The following SKIC3 variants were observed in gnomAD, a reference collection of about 807,000 sequenced individuals.
SKIC3 encodes the protein SKI3 subunit of superkiller complex, also known as superkiller complex protein 3.
the SKIC3 span, among the ~76,000 whole-genome samples, chr5:95,492,397 G>A: frequency 1.3e-5 from 2 of 151,790 alleles, no homozygotes; most frequent in Admixed American, 1.3e-4. Flanking sequence ...AGCACTTTGG[G>A]AGGCCGAGGC....
At chr5:95,547,273 A>C in the SKIC3 span, 1 of 787,150 alleles carries the variant, frequency 1.3e-6, no homozygotes, top group Admixed American at 2.0e-5. Flanking sequence ...TCTCTGGAAC[A>C]GTCTTCCCTC....
At chr5:95,554,433 C>T in the SKIC3 span, among the ~76,000 whole-genome samples, 2 of 152,168 alleles carry the variant, frequency 1.3e-5, no homozygotes, top group Non-Finnish European at 2.9e-5. Context: ...TTTTATTCTG[C>T]AGCAAAACAA....
At chr5:95,506,269 G>A in the SKIC3 span, among the ~76,000 whole-genome samples, 1 of 152,114 alleles carries the variant, frequency 6.6e-6, no homozygotes, top group African/African-American at 2.4e-5. Flanking sequence ...CTGCCAGGTA[G>A]CTCCTTAAAA....
chr5:95,494,984 G>T, the SKIC3 span: 3 of 1,613,504 alleles, frequency 1.9e-6, no homozygotes, highest in Non-Finnish European at 2.5e-6. Flanking sequence ...TTTGAGTCCA[G>T]AATATGAGCC....
the SKIC3 span, among the ~76,000 whole-genome samples, chr5:95,521,630 ATAACT>A: frequency 9.2e-3 from 1,399 of 152,230 alleles, 21 homozygotes; most frequent in African/African-American, 0.032. Context: ...ATTACCAAAA[ATAACT>A]TAGATAACTA....
chr5:95,510,680 G>A, the SKIC3 span, among the ~76,000 whole-genome samples: 96 of 152,230 alleles, frequency 6.3e-4, no homozygotes, highest in Non-Finnish European at 1.2e-3. Context: ...CTCACTGCCT[G>A]CCCACCACCA....
the SKIC3 span, chr5:95,504,080 GGGGGGT>G: frequency 5.3e-6 from 2 of 374,938 alleles, no homozygotes; most frequent in Non-Finnish European, 1.0e-5. Flanking sequence ...AGGCCCAGGC[GGGGGGT>G]GGGGGTGGGG....
chr5:95,475,477 C>T, the SKIC3 span, among the ~76,000 whole-genome samples: 3 of 152,128 alleles, frequency 2.0e-5, no homozygotes, highest in African/African-American at 4.8e-5. Context: ...GTGCCTGCTT[C>T]CCCTTTGCCT....
At chr5:95,509,288 C>T in the SKIC3 span, among the ~76,000 whole-genome samples, 3 of 152,024 alleles carry the variant, frequency 2.0e-5, no homozygotes, top group Non-Finnish European at 4.4e-5. Context: ...GTCACACAAC[C>T]AGGAAAAGTT....
At chr5:95,466,851 C>A in the SKIC3 span, among the ~76,000 whole-genome samples, 1 of 152,136 alleles carries the variant, frequency 6.6e-6, no homozygotes, top group African/African-American at 2.4e-5. Flanking sequence ...TTCATTCTTA[C>A]GGCTTTTTCT....
the SKIC3 span, chr5:95,512,482 T>C: frequency 4.3e-6 from 7 of 1,613,840 alleles, no homozygotes; most frequent in Non-Finnish European, 5.9e-6. Flanking sequence ...CTTACCTACA[T>C]ATTTATTCAA....
the SKIC3 span, chr5:95,502,870 C>G: frequency 1.7e-5 from 28 of 1,612,728 alleles, no homozygotes; most frequent in Non-Finnish European, 7.6e-6. Flanking sequence ...TTGATGTCAA[C>G]TATACATACC....
At chr5:95,469,395 G>A in the SKIC3 span, among the ~76,000 whole-genome samples, 1 of 152,070 alleles carries the variant, frequency 6.6e-6, no homozygotes. Context: ...TATAACAATA[G>A]CAAGAACTGA....
the SKIC3 span, chr5:95,540,921 T>C: frequency 8.0e-7 from 1 of 1,249,686 alleles, no homozygotes; most frequent in South Asian, 1.3e-5. Flanking sequence ...ATTTTTAATT[T>C]GTTAATATAT....
chr5:95,508,064 TTTTTCATATACACTCA>T, the SKIC3 span, among the ~76,000 whole-genome samples: 1 of 152,102 alleles, frequency 6.6e-6, no homozygotes, highest in South Asian at 2.1e-4. Flanking sequence ...AAAATAGTGG[TTTTTCATATACACTCA>T]TTTTCATATA....
At chr5:95,477,913 T>C in the SKIC3 span, among the ~76,000 whole-genome samples, 1 of 152,174 alleles carries the variant, frequency 6.6e-6, no homozygotes, top group African/African-American at 2.4e-5. Context: ...TTACTAGAAA[T>C]CCCTCTTAGA....
the SKIC3 span, chr5:95,541,376 CAACACTTAG>C: frequency 1.9e-6 from 3 of 1,613,490 alleles, no homozygotes; most frequent in Non-Finnish European, 2.5e-6. Context: ...TTCTGCTTGT[CAACACTTAG>C]AACAAAACAA....
At chr5:95,484,856 A>G in the SKIC3 span, 1 of 1,613,576 alleles carries the variant, frequency 6.2e-7, no homozygotes, top group African/African-American at 1.3e-5. Flanking sequence ...CTGTAAACAA[A>G]AAATGTCAAT....
At chr5:95,510,720 C>T in the SKIC3 span, among the ~76,000 whole-genome samples, 3 of 152,184 alleles carry the variant, frequency 2.0e-5, no homozygotes, top group Non-Finnish European at 2.9e-5. Context: ...AAATGCTGAT[C>T]CCCAAATGCT....
Sources: allele counts gnomAD v4.1 joint callset (sites outside exome capture counted in the v4.1 genomes callset), GRCh38; gene constraint gnomAD v4.1.1; transcripts MANE v1.5; gene names NCBI Gene and HGNC (gene_info 2026-07-23, HGNC 2026-07-21).